The following CEPT1 variants were observed in gnomAD, a reference collection of about 807,000 sequenced individuals.
The protein encoded by CEPT1 is choline/ethanolamine phosphotransferase 1.
A neutral mutation model predicts 42.6 loss-of-function variants in CEPT1; 7 were observed. The ratio of observed to expected loss-of-function variants is 0.16; its 90% CI spans 0.09 to 0.31. The LOEUF is 0.31. CEPT1 is among the 10% of genes least tolerant of loss of function. The probability of loss-of-function intolerance (pLI) is 1.00; values close to 1 mark genes in which losing one functional copy is unlikely to be tolerated. For synonymous variants in CEPT1, 171 were observed against 171.9 expected (o/e 0.99, Z 0.04); for missense variants, 306 against 502.1 (o/e 0.61, Z 3.73).
intron 2 of CEPT1, among the ~76,000 whole-genome samples, chr1:111,156,225 T>C (rs1304902670): frequency 1.3e-5 from 2 of 152,370 alleles, no homozygotes; most frequent in Non-Finnish European, 1.5e-5. Flanking sequence ...CCTCTTGTTA[T>C]TGATTTCTAG....
At chr1:111,182,676 C>G in intron 6 of CEPT1, 123 bp from the exon 7 acceptor site, 2 of 819,136 alleles carry the variant, frequency 2.4e-6, no homozygotes, top group Non-Finnish European at 3.8e-6. Context: ...ATAGAAATTG[C>G]TGCCTATCAG....
intron 2 of CEPT1, among the ~76,000 whole-genome samples, chr1:111,149,266 C>CTTTTTTTTT (rs775722606): frequency 7.8e-6 from 1 of 127,948 alleles, no homozygotes. Context: ...GGTTTCTCCT[C>CTTTTTTTTT]TTTTTTTTTT....
At chr1:111,142,764 G>C (rs1236818760) in intron 1 of CEPT1, among the ~76,000 whole-genome samples, 2 of 152,152 alleles carry the variant, frequency 1.3e-5, no homozygotes, top group African/African-American at 4.8e-5. Context: ...TGCACTTGTA[G>C]AGTATACACA....
intron 2 of CEPT1, among the ~76,000 whole-genome samples, chr1:111,150,221 T>C (rs1026253009): frequency 6.6e-6 from 1 of 152,224 alleles, no homozygotes; most frequent in South Asian, 2.1e-4. Context: ...AGCTGTTATC[T>C]CTGTGATCTT....
At position 111,184,457 on chromosome 1, in the gene CEPT1, ACTAT is replaced by A; in HGVS notation, c.*149_*152del. ...TCTTTATTATTGGTAACACGCCCTA[ACTAT>A]CCTGTGTGAGAATGGGAATTTCAAG... On this transcript the variant is annotated 3_prime_UTR_variant, in exon 9 of 9. Coordinates refer to ENST00000357172, the MANE Select transcript of CEPT1 (RefSeq NM_006090.5). 6 of 563,842 alleles carry A rather than the reference ACTAT, an allele frequency of 1.1e-5. No individual in the cohort carries two copies. Among genetic ancestry groups the A allele is most frequent in the East Asian group, 6.9e-5 (2 of 29,128 alleles). The allele number at this position is 563,842 out of a possible 1,614,324, so 34.9% of individuals were successfully genotyped here.
intron 1 of CEPT1, chr1:111,143,538 G>A (rs1654783306): frequency 6.6e-6 from 1 of 152,136 alleles, no homozygotes; most frequent in Non-Finnish European, 1.5e-5. Context: ...TGAATGCATT[G>A]GAAACTGGTA....
intron 2 of CEPT1, among the ~76,000 whole-genome samples, chr1:111,151,094 A>G (rs151329843): frequency 5.9e-5 from 9 of 151,636 alleles, no homozygotes; most frequent in Admixed American, 3.3e-4. Flanking sequence ...CACGTGCCCA[A>G]GGTAGTCAGA....
chr1:111,166,332 T>C (rs1656143729), intron 4 of CEPT1, among the ~76,000 whole-genome samples: 1 of 152,248 alleles, frequency 6.6e-6, no homozygotes, highest in Non-Finnish European at 1.5e-5. Context: ...ATACTGCTAC[T>C]GTTTTGTGTG....
chr1:111,169,426 TTGTC>T (rs879802367), intron 4 of CEPT1, among the ~76,000 whole-genome samples: 16 of 152,270 alleles, frequency 1.1e-4, no homozygotes, highest in South Asian at 6.2e-4. Flanking sequence ...TTCACCTTGT[TTGTC>T]TATGATAACA....
intron 1 of CEPT1, among the ~76,000 whole-genome samples, chr1:111,141,562 CCT>C (rs1476810348): frequency 6.6e-6 from 1 of 151,976 alleles, no homozygotes; most frequent in Non-Finnish European, 1.5e-5. Context: ...AGAAAAATAA[CCT>C]ATAAAATACC....
chr1:111,158,278 A>G (rs1378701872), intron 2 of CEPT1, among the ~76,000 whole-genome samples: 1 of 152,180 alleles, frequency 6.6e-6, no homozygotes, highest in East Asian at 1.9e-4. Flanking sequence ...TCTTGAACCC[A>G]GGAGGCGGAG....
In CEPT1 at chr1:111,159,472, T is replaced by C. The variant is rs1416185951; in HGVS notation, c.432T>C (p.Asn144=). The C allele has an allele frequency of 3.1e-6, 5 of 1,613,056 alleles. No homozygotes were observed. The East Asian group carries it at 6.7e-5, about 22-fold the overall frequency. Residue 144 remains asparagine, a synonymous_variant, in exon 3 of 9, where the codon AAT becomes AAC. Coordinates refer to ENST00000357172, the MANE Select transcript of CEPT1 (RefSeq NM_006090.5). ...AIDGKQARRT[N]SSSPLGELFD... ...ATGGGAAACAGGCAAGAAGAACCAA[T>C]AGTAGTTCTCCTCTGGGAGAACTTT...
chr1:111,165,287 A>G (rs1042439701), intron 4 of CEPT1, among the ~76,000 whole-genome samples: 1 of 151,656 alleles, frequency 6.6e-6, no homozygotes, highest in South Asian at 2.1e-4. Flanking sequence ...TGACCTCGTG[A>G]TCCGCCCGCC....
At chr1:111,172,200 A>C (rs1264247489) in intron 4 of CEPT1, among the ~76,000 whole-genome samples, 1 of 152,206 alleles carries the variant, frequency 6.6e-6, no homozygotes, top group Non-Finnish European at 1.5e-5. Context: ...TTGTTAAAAA[A>C]TCACTGGCAT....
intron 4 of CEPT1, among the ~76,000 whole-genome samples, chr1:111,169,020 A>G (rs1265604636): frequency 6.6e-6 from 1 of 152,228 alleles, no homozygotes; most frequent in Non-Finnish European, 1.5e-5. Flanking sequence ...AAGTCATTCT[A>G]CGTTACTTAT....
intron 2 of CEPT1, among the ~76,000 whole-genome samples, chr1:111,156,242 T>C (rs1571126841): frequency 6.6e-6 from 1 of 152,230 alleles, no homozygotes; most frequent in Non-Finnish European, 1.5e-5. Context: ...CTAGTTTTGT[T>C]CCATTGTAGT....
At chr1:111,183,339 G>T in intron 7 of CEPT1, 123 bp from the exon 8 acceptor site, 1 of 1,114,064 alleles carries the variant, frequency 9.0e-7, no homozygotes, top group Non-Finnish European at 1.3e-6. Flanking sequence ...TTTTAGTTTT[G>T]GGAATTCAAC....
chr1:111,145,775 AC>A (rs1446184925), intron 1 of CEPT1, among the ~76,000 whole-genome samples: 2 of 152,162 alleles, frequency 1.3e-5, no homozygotes, highest in African/African-American at 2.4e-5. Flanking sequence ...GTTGCAGTCT[AC>A]CACAGCTGCC....
chr1:111,159,618 T>A (rs1001299505), intron 3 of CEPT1, 91 bp downstream of exon 3: 2 of 953,520 alleles, frequency 2.1e-6, no homozygotes, highest in African/African-American at 3.4e-5. Context: ...GTCATGAGAA[T>A]AAGTAATTTT....
Sources: allele counts gnomAD v4.1 joint callset (sites outside exome capture counted in the v4.1 genomes callset), GRCh38; gene constraint gnomAD v4.1.1; transcripts MANE v1.5; gene names NCBI Gene and HGNC (gene_info 2026-07-23, HGNC 2026-07-21).